EVC: variants seen among roughly 807,000 people sequenced by gnomAD.
EVC encodes the protein EvC ciliary complex subunit 1.
EVC carries 116 observed loss-of-function variants against 118.9 expected under a neutral mutation model. The observed-to-expected ratio is 0.98, with a 90% confidence interval of 0.84 to 1.14. EVC has a LOEUF of 1.14. Ranked by LOEUF, EVC falls within the 50% of genes most tolerant of loss-of-function variation. EVC has a pLI of 0.00. For missense variants in EVC, 1,401 were observed against 1,246.4 expected, an observed-to-expected ratio of 1.12 and a Z score of -1.87; for synonymous variants, 619 against 534.7, an observed-to-expected ratio of 1.16 and a Z score of -2.18.
intron 1 of EVC, among the ~76,000 whole-genome samples, chr4:5,717,228 A>G (rs911014324): frequency 6.6e-6 from 1 of 151,884 alleles, no homozygotes; most frequent in South Asian, 2.1e-4. Flanking sequence ...TCATATTTTC[A>G]ATTTTGAAGA....
At chr4:5,799,695 GCAGGAGCCCTTC>G (rs959623996) in intron 15 of EVC, among the ~76,000 whole-genome samples, 10 of 152,200 alleles carry the variant, frequency 6.6e-5, no homozygotes, top group African/African-American at 2.4e-4. Flanking sequence ...ATCGGGAAGT[GCAGGAGCCCTTC>G]CAGGAGCCCT....
chr4:5,798,729 G>C lies in EVC; in HGVS notation c.2241G>C (p.Ala747=). 6.2e-7 allele frequency: 1 copy of C among 1,610,996 alleles called. No homozygotes were observed. Among genetic ancestry groups the C allele is most frequent in the Non-Finnish European group, 8.5e-7 (1 of 1,179,886 alleles). The change falls in exon 15 of 21, where the codon GCG becomes GCC. Residue 747 remains alanine (A), a synonymous_variant. Coordinates refer to ENST00000264956, the MANE Select transcript of EVC (RefSeq NM_153717.3). The surrounding 1 kb of genome is among the most constrained non-coding windows in gnomAD (Gnocchi z 4.1). ...QQHMECAIGQ[A]LLVHARNAAT... The stretch of plus-strand genomic sequence containing the variant: ...ACATGGAGTGCGCCATTGGGCAGGC[G>C]CTGCTGGTGCATGCACGGAATGCAG...
intron 11 of EVC, among the ~76,000 whole-genome samples, chr4:5,782,389 ATTT>A (rs71171482): frequency 1.1e-4 from 9 of 78,564 alleles, no homozygotes; most frequent in East Asian, 6.6e-4. Context: ...GTAAGGTTCC[ATTT>A]TTTTTTTTTT....
chr4:5,825,995 A>C, the EVC span: 4 of 353,826 alleles, frequency 1.1e-5, no homozygotes, highest in East Asian at 2.9e-4. This position sits in a 1 kb window ranked among gnomAD's most constrained non-coding sequence, Gnocchi z 4.4. Context: ...ACAGTAGCAT[A>C]CACGCGTGAA....
chr4:5,728,419 A>C (rs1234679274), intron 2 of EVC, among the ~76,000 whole-genome samples: 1 of 151,448 alleles, frequency 6.6e-6, no homozygotes, highest in Non-Finnish European at 1.5e-5. Context: ...TTGTACATTG[A>C]TTTTGTATCC....
At position 5,808,194 on chromosome 4, in the gene EVC, C is replaced by A. The variant is rs1024331925; in HGVS notation, c.2562-7C>A. 43 of 1,582,284 alleles carry A rather than the reference C, an allele frequency of 2.7e-5. No individual in the cohort carries two copies. Among genetic ancestry groups the A allele is most frequent in the Non-Finnish European group, 3.6e-5 (42 of 1,161,994 alleles). ...CCCTGCCAGCCTGCCTGCCTTCCTC[C>A]CCCCAGGATGCTGTCCCAGCAGAAG... is the stretch of plus-strand genomic sequence containing the variant. On this transcript the variant is annotated splice_polypyrimidine_tract_variant and splice_region_variant and intron_variant, in intron 17 of 20. Coordinates refer to ENST00000264956, the MANE Select transcript of EVC (RefSeq NM_153717.3).
At chr4:5,766,358 T>C (rs1406283344) in intron 11 of EVC, among the ~76,000 whole-genome samples, 2 of 144,406 alleles carry the variant, frequency 1.4e-5, no homozygotes, top group Non-Finnish European at 1.5e-5. Context: ...ATTTCAACTT[T>C]GGTGAATCTG....
intron 8 of EVC, among the ~76,000 whole-genome samples, chr4:5,750,510 T>G (rs917642256): frequency 2.6e-5 from 4 of 152,222 alleles, no homozygotes; most frequent in Non-Finnish European, 4.4e-5. Context: ...GAATGCAGGC[T>G]CAGGGAAGAA....
At chr4:5,752,343 G>T (rs552474403) in intron 8 of EVC, among the ~76,000 whole-genome samples, 3 of 152,162 alleles carry the variant, frequency 2.0e-5, no homozygotes, top group African/African-American at 7.2e-5. Context: ...ATCTGACTGC[G>T]GGGAGTCGTG....
At chr4:5,769,921 G>A (rs986721141) in intron 11 of EVC, among the ~76,000 whole-genome samples, 6 of 152,108 alleles carry the variant, frequency 3.9e-5, no homozygotes, top group African/African-American at 1.4e-4. Context: ...ATGCAAGTTT[G>A]GTGGTCCTGA....
At chr4:5,759,738 A>G (rs1006402450) in intron 11 of EVC, among the ~76,000 whole-genome samples, 1 of 152,228 alleles carries the variant, frequency 6.6e-6, no homozygotes, top group Non-Finnish European at 1.5e-5. Flanking sequence ...AGCAGTATAT[A>G]AATGTAAACC....
At chr4:5,780,645 G>T (rs1475916906) in intron 11 of EVC, among the ~76,000 whole-genome samples, 1 of 152,228 alleles carries the variant, frequency 6.6e-6, no homozygotes, top group Non-Finnish European at 1.5e-5. Context: ...AAGAAACTCT[G>T]TGGTCTTGTC....
At chr4:5,744,625 C>G (rs1216857305) in intron 6 of EVC, among the ~76,000 whole-genome samples, 1 of 152,190 alleles carries the variant, frequency 6.6e-6, no homozygotes, top group Non-Finnish European at 1.5e-5. Context: ...CCAGAATTCA[C>G]TCAATTGCCT....
intron 11 of EVC, among the ~76,000 whole-genome samples, chr4:5,768,311 G>A (rs1733301911): frequency 6.6e-6 from 1 of 152,116 alleles, no homozygotes; most frequent in Non-Finnish European, 1.5e-5. Context: ...GTTTCCATGA[G>A]GAAAACAGAC....
chr4:5,752,708 C>G, intron 8 of EVC, 128 bp from the exon 9 acceptor site: 2 of 949,176 alleles, frequency 2.1e-6, no homozygotes, highest in South Asian at 1.4e-5. Context: ...GTTCATCCCT[C>G]TGAGCTCCGC....
intron 12 of EVC, among the ~76,000 whole-genome samples, chr4:5,785,882 T>G (rs1483063211): frequency 6.6e-6 from 1 of 152,232 alleles, no homozygotes; most frequent in Admixed American, 6.5e-5. Context: ...CGCAGACCAA[T>G]TCATTTACAG....
rs1560274112 is a variant in EVC at position 5,719,283 on chromosome 4, G to C, written c.210G>C (p.Glu70Asp). The C allele has an allele frequency of 6.2e-7, 1 of 1,614,076 alleles. No individual in the cohort carries two copies. Among genetic ancestry groups the C allele is most frequent in the Non-Finnish European group, 8.5e-7 (1 of 1,180,058 alleles). ...DDTQNLLKNL[E>D]SNAQTPSETG... ...CTCAAAATCTGCTCAAGAATTTGGA[G>C]TCTAATGCGCAGACCCCCTCGGAAA... is the stretch of plus-strand genomic sequence containing the variant. Residue 70 changes from glutamate to aspartate, a missense_variant, in exon 2 of 21, where the codon GAG becomes GAC. By Grantham distance (45) the Glu-to-Asp change is conservative. Coordinates refer to ENST00000264956, the MANE Select transcript of EVC (RefSeq NM_153717.3). The surrounding 1 kb of genome is among the most constrained non-coding windows in gnomAD (Gnocchi z 4.7).
intron 18 of EVC, among the ~76,000 whole-genome samples, chr4:5,808,763 T>C (rs1356815456): frequency 6.6e-6 from 1 of 152,234 alleles, no homozygotes; most frequent in African/African-American, 2.4e-5. Flanking sequence ...ATAAAGTGCA[T>C]ATTTCATTAC....
At chr4:5,718,262 C>T (rs549753198) in intron 1 of EVC, among the ~76,000 whole-genome samples, 1 of 151,926 alleles carries the variant, frequency 6.6e-6, no homozygotes, top group South Asian at 2.1e-4. Context: ...TTCCATTAAC[C>T]AGTCAATACA....
Sources: gnomAD v4.1 joint callset for allele counts (sites outside exome capture counted in the v4.1 genomes callset) on GRCh38, gnomAD v4.1.1 for gene constraint, Gnocchi (gnomAD v3.1) non-coding constraint, MANE v1.5 for transcripts, NCBI Gene and HGNC (gene_info 2026-07-23, HGNC 2026-07-21) for gene names.